The following VPS8 variants were observed in gnomAD, a reference collection of about 807,000 sequenced individuals.
VPS8 encodes VPS8 subunit of CORVET complex, also known as vacuolar protein sorting-associated protein 8 homolog.
VPS8 carries 129 observed loss-of-function variants against 216.4 expected under a neutral mutation model. The ratio of observed to expected loss-of-function variants is 0.60; its 90% CI spans 0.52 to 0.69. VPS8 has a LOEUF of 0.69. VPS8 is among the 30% of genes least tolerant of loss of function. VPS8 has a pLI of 0.00. For synonymous variants in VPS8, 571 were observed against 565.4 expected (o/e 1.01, Z -0.14); for missense variants, 1,531 against 1,683.5 (o/e 0.91, Z 1.59).
intron 10 of VPS8, 129 bp downstream of exon 10, chr3:184,850,151 A>G (rs1490707489): frequency 4.4e-6 from 3 of 686,984 alleles, no homozygotes; most frequent in Non-Finnish European, 4.7e-6. Flanking sequence ...ACATTACCTT[A>G]TAAATAGAAT....
rs1298836777 is a variant in VPS8 at position 184,938,641 on chromosome 3, CT to C, written c.2989-1549del. ...CACTTGTAGGATTTTCTTTTCTTTT[CT>C]TTTTTTCTTTTTTTTTTTTTGTAGT... On this transcript the variant is annotated intron_variant, in intron 35 of 47. Transcript: ENST00000625842. Among the ~76,000 whole-genome samples the C allele has an allele frequency of 7.2e-5, 10 of 138,190 alleles. 1 individual carries two copies. The South Asian group carries it at 2.1e-3, about 30-fold the overall frequency. The allele number at this position is 138,190 out of a possible 152,430, so 90.7% of individuals were successfully genotyped here.
chr3:185,000,744 TATAGGTGC>T (rs1753303917), intron 45 of VPS8, among the ~76,000 whole-genome samples: 2 of 152,170 alleles, frequency 1.3e-5, no homozygotes, highest in East Asian at 3.9e-4. Flanking sequence ...TAGCTGGGAC[TATAGGTGC>T]ATGCCACCAT....
intron 25 of VPS8, among the ~76,000 whole-genome samples, chr3:184,906,888 G>T (rs1735594641): frequency 6.6e-6 from 1 of 152,076 alleles, no homozygotes; most frequent in African/African-American, 2.4e-5. Flanking sequence ...TTCTTTGGAG[G>T]GTCCGGTCTT....
chr3:185,024,473 A>G (rs1462248471), intron 46 of VPS8, 84 bp downstream of exon 46: 16 of 1,364,880 alleles, frequency 1.2e-5, no homozygotes, highest in African/African-American at 2.9e-5. Context: ...CAACATGGCA[A>G]TGATTTTTAA....
chr3:184,944,130 A>T (rs1743253078), intron 36 of VPS8, among the ~76,000 whole-genome samples: 1 of 152,208 alleles, frequency 6.6e-6, no homozygotes, highest in African/African-American at 2.4e-5. Flanking sequence ...CAGCATTTTT[A>T]AAAGGATAGG....
chr3:184,942,615 A>G (rs1374647728), intron 36 of VPS8, among the ~76,000 whole-genome samples: 1 of 152,152 alleles, frequency 6.6e-6, no homozygotes, highest in Non-Finnish European at 1.5e-5. Flanking sequence ...GTTTGTATTG[A>G]TCTGCCTCCA....
At chr3:184,893,109 G>A in intron 22 of VPS8, 1 of 253,856 alleles carries the variant, frequency 3.9e-6, no homozygotes, top group Non-Finnish European at 6.4e-6. Context: ...TTACATTTGT[G>A]CATTTGAGAA....
intron 25 of VPS8, among the ~76,000 whole-genome samples, chr3:184,910,938 T>G (rs1037180048): frequency 6.6e-6 from 1 of 152,180 alleles, no homozygotes; most frequent in African/African-American, 2.4e-5. Flanking sequence ...TTATAATTTT[T>G]TACTGTAAGG....
chr3:184,953,330 A>T (rs1188397720), intron 36 of VPS8, among the ~76,000 whole-genome samples: 25 of 152,214 alleles, frequency 1.6e-4, no homozygotes, highest in Non-Finnish European at 1.5e-5. Context: ...TGGAGGTTTT[A>T]TACATTGATT....
intron 43 of VPS8, among the ~76,000 whole-genome samples, chr3:184,994,996 A>G (rs1036413360): frequency 2.0e-5 from 3 of 152,202 alleles, no homozygotes; most frequent in African/African-American, 7.2e-5. Flanking sequence ...CTTATTCACT[A>G]TCACGAGAAC....
rs1724797777 is a variant in VPS8, at chr3:184,854,094, A to T, written c.976-20A>T. 1 of 1,613,554 alleles carries T rather than the reference A, an allele frequency of 6.2e-7. No individual in the cohort carries two copies. The highest frequency in any genetic ancestry group is 8.5e-7 in the Non-Finnish European group (1 of 1,179,646). On this transcript the variant is annotated intron_variant, in intron 12 of 47. Coordinates refer to ENST00000625842, the MANE Select transcript of VPS8 (RefSeq NM_001009921.3). ...TGAAAATTCCAAGGTCAATATTGAA[A>T]ACATATTTTTCTCTTACAGATACTG...
intron 1 of VPS8, among the ~76,000 whole-genome samples, chr3:184,820,544 T>A (rs1001918883): frequency 1.3e-5 from 2 of 152,180 alleles, no homozygotes; most frequent in Non-Finnish European, 2.9e-5. Flanking sequence ...AGGACTGGCA[T>A]TGTTGGATAC....
rs181343363 is a variant in VPS8, at chr3:185,019,679, C to G, written c.4003-4657C>G. Among the ~76,000 whole-genome samples the G allele has an allele frequency of 1.2e-4, 19 of 152,336 alleles. No individual in the cohort carries two copies. In the East Asian group the frequency reaches 3.7e-3, roughly 29 times the overall value. ...GGGCCAGGTGTTCCTTGCCCTCATT[C>G]TGGTAAACCCACAACCTTCCAGCGT... On this transcript the variant is annotated intron_variant, in intron 45 of 47. Transcript: ENST00000625842.
At chr3:184,969,627 A>C (rs548297069) in intron 39 of VPS8, among the ~76,000 whole-genome samples, 1 of 142,600 alleles carries the variant, frequency 7.0e-6, no homozygotes, top group African/African-American at 2.6e-5. Flanking sequence ...ATGGGGTTTC[A>C]CCATGTTGGC....
At chr3:184,915,301 G>T in intron 27 of VPS8, 54 bp from the exon 28 acceptor site, 1 of 1,578,194 alleles carries the variant, frequency 6.3e-7, no homozygotes, top group Admixed American at 1.8e-5. Flanking sequence ...CACTGCTTCA[G>T]CAAGATACTT....
At chr3:184,907,704 A>G (rs545744921) in intron 25 of VPS8, among the ~76,000 whole-genome samples, 40 of 152,196 alleles carry the variant, frequency 2.6e-4, no homozygotes, top group African/African-American at 8.9e-4. Context: ...TTTCCTGTTC[A>G]TCTTCTACTG....
At chr3:184,995,463 C>G (rs1051441401) in intron 43 of VPS8, among the ~76,000 whole-genome samples, 1 of 151,898 alleles carries the variant, frequency 6.6e-6, no homozygotes, top group Non-Finnish European at 1.5e-5. Flanking sequence ...AATTTTGGAA[C>G]TATGGAAGAG....
chr3:184,837,859 T>C (rs371624704), intron 5 of VPS8, among the ~76,000 whole-genome samples: 16 of 152,224 alleles, frequency 1.1e-4, no homozygotes, highest in Admixed American at 8.5e-4. Context: ...TCAGTTAAAC[T>C]CTTGGAAATG....
At chr3:184,996,286 T>A in intron 43 of VPS8, 46 bp from the exon 44 acceptor site, 1 of 1,546,534 alleles carries the variant, frequency 6.5e-7, no homozygotes. Flanking sequence ...ATCTCTTTCA[T>A]CTTATAACCT....
Sources: gnomAD v4.1 joint callset for allele counts (sites outside exome capture counted in the v4.1 genomes callset) on GRCh38, gnomAD v4.1.1 for gene constraint, MANE v1.5 for transcripts, NCBI Gene and HGNC (gene_info 2026-07-23, HGNC 2026-07-21) for gene names.